Variants in UBR1 observed in about 807,000 individuals in gnomAD.
UBR1 encodes ubiquitin protein ligase E3 component n-recognin 1.
UBR1 carries 102 observed loss-of-function variants against 242.1 expected under a neutral mutation model. The observed-to-expected ratio is 0.42, with a 90% CI of 0.36 to 0.50. UBR1 has a LOEUF of 0.50. Ranked by LOEUF, UBR1 falls within the 20% of genes least tolerant of loss-of-function variation. UBR1 has a pLI of 0.01. For missense variants in UBR1, 1,772 were observed against 2,101.8 expected (o/e 0.84, Z 3.07); for synonymous variants, 675 against 684.8 (o/e 0.99, Z 0.22).
chr15:42,950,206 A>C (rs2031808929), intron 46 of UBR1, 56 bp downstream of exon 46: 1 of 1,405,360 alleles, frequency 7.1e-7, no homozygotes, highest in Non-Finnish European at 1.0e-6. Flanking sequence ...AATAGAAAAC[A>C]ATCAACATAA....
chr15:43,014,999 A>C (rs1381553460), intron 29 of UBR1, among the ~76,000 whole-genome samples: 7 of 106,386 alleles, frequency 6.6e-5, no homozygotes, highest in Admixed American at 1.9e-4. Context: ...GCCCGGCCAG[A>C]CGCCCCGACT....
intron 32 of UBR1, among the ~76,000 whole-genome samples, chr15:43,001,470 T>A (rs1317357287): frequency 6.6e-6 from 1 of 152,242 alleles, no homozygotes; most frequent in Non-Finnish European, 1.5e-5. Context: ...ATATTGACCC[T>A]TCTCGCCCAA....
intron 43 of UBR1, among the ~76,000 whole-genome samples, chr15:42,958,592 T>C (rs1408123910): frequency 6.6e-6 from 1 of 152,188 alleles, no homozygotes; most frequent in Non-Finnish European, 1.5e-5. Context: ...AATATTGATT[T>C]AAGAAATGTC....
chr15:43,095,862 C>T (rs554545227), intron 1 of UBR1, among the ~76,000 whole-genome samples: 2 of 152,344 alleles, frequency 1.3e-5, no homozygotes, highest in South Asian at 2.1e-4. Flanking sequence ...GATACAGGCA[C>T]ACCTCAGAGA....
intron 29 of UBR1, among the ~76,000 whole-genome samples, chr15:43,008,509 C>T (rs1375863715): frequency 6.6e-6 from 1 of 152,238 alleles, no homozygotes; most frequent in Non-Finnish European, 1.5e-5. Context: ...TCAGCATGGG[C>T]CTGCAGGTGC....
Position 42,990,055 on chromosome 15 carries a change from T to C in UBR1, c.3823A>G (p.Ile1275Val), listed in dbSNP as rs199934267. Residue 1275 changes from isoleucine (I) to valine (V), a missense_variant, in exon 34 of 47, where the codon ATC becomes GTC. Coordinates refer to ENST00000290650, the MANE Select transcript of UBR1 (RefSeq NM_174916.3). ...MGDSTLEFHSILSFGVESSIK... is the reference protein window; with the variant it reads ...MGDSTLEFHSVLSFGVESSIK... ...GAAGACTCAACGCCAAAACTCAGGA[T>C]GGAATGGAACTCCAAAGTAGAATCT... is the stretch of plus-strand genomic sequence containing the variant. 2.5e-6 allele frequency: 4 copies of C among 1,609,442 alleles called. No homozygotes were observed. Among genetic ancestry groups the C allele is most frequent in the South Asian group, 1.1e-5 (1 of 90,380 alleles).
intron 4 of UBR1, among the ~76,000 whole-genome samples, chr15:43,071,177 C>T (rs1216056248): frequency 6.6e-6 from 1 of 152,174 alleles, no homozygotes; most frequent in Non-Finnish European, 1.5e-5. Flanking sequence ...GATATACTCT[C>T]TTATGAATGT....
At chr15:43,031,570 T>C (rs950276041) in intron 20 of UBR1, among the ~76,000 whole-genome samples, 10 of 152,218 alleles carry the variant, frequency 6.6e-5, no homozygotes, top group African/African-American at 2.4e-4. Flanking sequence ...CTGAGACATG[T>C]AGCTGGTCTA....
chr15:43,073,017 C>T (rs1020218417), intron 4 of UBR1, among the ~76,000 whole-genome samples: 2 of 151,778 alleles, frequency 1.3e-5, no homozygotes, highest in African/African-American at 2.4e-5. Context: ...TAAAATTAGC[C>T]GGATGTGGTG....
chr15:43,007,032 G>T, intron 30 of UBR1, 47 bp downstream of exon 30: 1 of 1,572,102 alleles, frequency 6.4e-7, no homozygotes, highest in Non-Finnish European at 8.8e-7. Context: ...TAATTACACA[G>T]GCATGAAAAG....
At chr15:42,959,874 T>A (rs1442659360) in intron 43 of UBR1, among the ~76,000 whole-genome samples, 1 of 152,118 alleles carries the variant, frequency 6.6e-6, no homozygotes, top group Non-Finnish European at 1.5e-5. Context: ...AGGCGGCAAA[T>A]GTGCACTGTC....
At chr15:43,062,035 T>A (rs2033694835) in intron 6 of UBR1, among the ~76,000 whole-genome samples, 1 of 152,122 alleles carries the variant, frequency 6.6e-6, no homozygotes, top group South Asian at 2.1e-4. Context: ...TGTGCATTGC[T>A]GGAGAATACA....
chr15:43,100,789 C>T (rs1358751680), intron 1 of UBR1, among the ~76,000 whole-genome samples: 2 of 152,122 alleles, frequency 1.3e-5, no homozygotes, highest in East Asian at 1.9e-4. Context: ...GAGCCGAGAT[C>T]GCACCACGCA....
chr15:43,004,044 G>C lies in UBR1; in HGVS notation c.3416-114C>G, dbSNP rs561832292. The C allele has an allele frequency of 2.9e-5, 25 of 870,650 alleles. No individual in the cohort carries two copies. In the East Asian group the frequency reaches 6.0e-4, roughly 21 times the overall value. 53.9% of individuals were successfully genotyped at this position (870,650 alleles called of 1,614,324 possible). The stretch of plus-strand genomic sequence containing the variant: ...AAAGTGTCACAATATCATGATAGGA[G>C]GATATATAGTAACAAAAAGAGAAAA... On this transcript the variant is annotated intron_variant, in intron 30 of 46. Transcript: ENST00000290650.
chr15:43,102,150 A>G (rs1368268878), intron 1 of UBR1, among the ~76,000 whole-genome samples: 1 of 152,126 alleles, frequency 6.6e-6, no homozygotes, highest in African/African-American at 2.4e-5. Context: ...AAAACTGAGG[A>G]TGCAGATATC....
intron 37 of UBR1, 42 bp downstream of exon 37, chr15:42,983,855 T>C (rs1212777781): frequency 1.7e-6 from 2 of 1,174,848 alleles, no homozygotes; most frequent in Non-Finnish European, 2.3e-6. Flanking sequence ...AAAAGATATA[T>C]AAATAATATA....
intron 15 of UBR1, among the ~76,000 whole-genome samples, chr15:43,039,889 G>A (rs2033393288): frequency 6.6e-6 from 1 of 152,130 alleles, no homozygotes; most frequent in Middle Eastern, 3.2e-3. Flanking sequence ...TTAGCATGAA[G>A]GGCTGTTGAA....
chr15:43,016,733 C>T (rs1039357960), intron 28 of UBR1, among the ~76,000 whole-genome samples: 1 of 152,142 alleles, frequency 6.6e-6, no homozygotes, highest in Non-Finnish European at 1.5e-5. Context: ...CAAGCCACCA[C>T]ATTGGGCTAA....
intron 6 of UBR1, among the ~76,000 whole-genome samples, chr15:43,063,864 G>A (rs1296221677): frequency 6.6e-6 from 1 of 152,116 alleles, no homozygotes; most frequent in Non-Finnish European, 1.5e-5. Context: ...AGCCTCCCAA[G>A]TAGCTGGGTT....
Sources: allele counts gnomAD v4.1 joint callset (sites outside exome capture counted in the v4.1 genomes callset), GRCh38; gene constraint gnomAD v4.1.1; transcripts MANE v1.5; gene names NCBI Gene and HGNC (gene_info 2026-07-23, HGNC 2026-07-21).